The following TMEFF2 variants were observed in gnomAD, a reference collection of about 807,000 sequenced individuals.
TMEFF2 encodes the protein tomoregulin-2.
In TMEFF2, 28 loss-of-function variants were observed where a neutral mutation model predicts 53.8. That is an observed-to-expected ratio of 0.52 (90% CI 0.39 to 0.71). The LOEUF (loss-of-function observed/expected upper bound fraction) is 0.71. TMEFF2 is among the 30% of genes least tolerant of loss of function. The pLI, the probability that TMEFF2 is intolerant of heterozygous loss-of-function variation, is 0.00. For missense variants in TMEFF2, 353 were observed against 455.2 expected (o/e 0.78, Z 2.04); for synonymous variants, 162 against 166.3 (o/e 0.97, Z 0.20).
intron 4 of TMEFF2, among the ~76,000 whole-genome samples, chr2:192,133,027 G>C (rs1359761512): frequency 6.6e-6 from 1 of 152,028 alleles, no homozygotes; most frequent in African/African-American, 2.4e-5. Flanking sequence ...CTTTTCAAGG[G>C]CCTGTTGCCC....
At chr2:191,964,303 CCTT>C (rs1198436510) in intron 7 of TMEFF2, among the ~76,000 whole-genome samples, 8 of 143,716 alleles carry the variant, frequency 5.6e-5, no homozygotes, top group African/African-American at 7.8e-5. Context: ...TTCCTTCTTT[CCTT>C]CTTTCTTTCC....
intron 4 of TMEFF2, among the ~76,000 whole-genome samples, chr2:192,151,095 G>T (rs866970024): frequency 3.3e-5 from 5 of 151,800 alleles, no homozygotes; most frequent in Admixed American, 6.6e-5. Context: ...GTTTTATAAG[G>T]CAGTTTTCCT....
intron 7 of TMEFF2, among the ~76,000 whole-genome samples, chr2:191,972,980 G>A (rs1692692084): frequency 6.6e-6 from 1 of 152,144 alleles, no homozygotes; most frequent in East Asian, 1.9e-4. Flanking sequence ...GTAAGATAAT[G>A]TATGATTAAG....
intron 9 of TMEFF2, 40 bp downstream of exon 9, chr2:191,953,639 T>C (rs1042748153): frequency 1.0e-5 from 16 of 1,602,758 alleles, no homozygotes; most frequent in Non-Finnish European, 1.3e-5. Flanking sequence ...AGTAACAATA[T>C]ATCCCTTTAT....
chr2:192,100,770 T>G lies in TMEFF2; in HGVS notation c.440-42995A>C, dbSNP rs529400804. ...CAATCTTTTTAAAATTAAATACTCC[T>G]GAAATTTCCAAGCATCCAGAAAACC... On this transcript the variant is annotated intron_variant, in intron 4 of 9. Transcript: ENST00000272771. Among the ~76,000 whole-genome samples the G allele has an allele frequency of 8.3e-4, 127 of 152,322 alleles. 1 individual carries two copies. The highest frequency in any genetic ancestry group is 1.2e-3 in the Admixed American group (19 of 15,284).
chr2:192,134,123 A>G (rs1559140966), intron 4 of TMEFF2, among the ~76,000 whole-genome samples: 1 of 151,436 alleles, frequency 6.6e-6, no homozygotes, highest in East Asian at 1.9e-4. Context: ...TGCTCAACTC[A>G]CTCTCTACAT....
chr2:191,957,164 G>A (rs1048620616), intron 7 of TMEFF2, among the ~76,000 whole-genome samples: 2 of 152,140 alleles, frequency 1.3e-5, no homozygotes, highest in African/African-American at 4.8e-5. Flanking sequence ...TGTTTTCATA[G>A]ATATTTGAAA....
At chr2:192,080,811 A>G (rs1262203580) in intron 4 of TMEFF2, among the ~76,000 whole-genome samples, 1 of 152,002 alleles carries the variant, frequency 6.6e-6, no homozygotes, top group African/African-American at 2.4e-5. Context: ...CCAAATTTTC[A>G]TCTTCTGCTT....
intron 4 of TMEFF2, among the ~76,000 whole-genome samples, chr2:192,062,539 G>A (rs191682656): frequency 3.9e-5 from 6 of 152,194 alleles, no homozygotes; most frequent in African/African-American, 1.4e-4. Flanking sequence ...ACTAGCAGCA[G>A]GATTACTGAA....
intron 1 of TMEFF2, among the ~76,000 whole-genome samples, chr2:192,193,723 G>C (rs1691517545): frequency 6.7e-6 from 1 of 148,726 alleles, no homozygotes; most frequent in Admixed American, 6.7e-5. Context: ...TTGCCGCCTA[G>C]GAGAGAAGGG....
At position 192,075,332 on chromosome 2, in the gene TMEFF2, T is replaced by TATATATATATATACACAC. The variant is rs796267672; in HGVS notation, c.440-17558_440-17557insGTGTGTATATATATATAT. On this transcript the variant is annotated intron_variant, in intron 4 of 9. Transcript: ENST00000272771. ...ATATATATATATATATATATATATA[T>TATATATATATATACACAC]ACATACATACTATGTATATCCTTGC... Among the ~76,000 whole-genome samples the TATATATATATATACACAC allele has an allele frequency of 3.4e-4, 30 of 88,136 alleles. 2 individuals are homozygous for TATATATATATATACACAC. Among genetic ancestry groups the TATATATATATATACACAC allele is most frequent in the Admixed American group, 9.7e-4 (7 of 7,192 alleles). The allele number at this position is 88,136 out of a possible 152,430, so 57.8% of individuals were successfully genotyped here. A position where few individuals can be genotyped will look rare whatever the true frequency, so the allele number is the denominator to read the frequency against.
intron 2 of TMEFF2, among the ~76,000 whole-genome samples, chr2:192,187,562 C>T (rs149990276): frequency 4.8e-4 from 73 of 152,198 alleles, no homozygotes; most frequent in African/African-American, 1.6e-3. Context: ...GATGAAGGGA[C>T]GGACTCAGAT....
intron 4 of TMEFF2, among the ~76,000 whole-genome samples, chr2:192,130,401 C>T (rs1328641586): frequency 6.6e-6 from 1 of 152,218 alleles, no homozygotes; most frequent in African/African-American, 2.4e-5. Flanking sequence ...GGCCTCTGAG[C>T]CCAAGTCAAG....
intron 4 of TMEFF2, among the ~76,000 whole-genome samples, chr2:192,066,918 A>C (rs1193466079): frequency 6.6e-6 from 1 of 151,918 alleles, no homozygotes; most frequent in Non-Finnish European, 1.5e-5. Context: ...ATATTCATAT[A>C]AATGGTTTTT....
intron 8 of TMEFF2, among the ~76,000 whole-genome samples, chr2:191,955,232 C>T (rs921896248): frequency 1.3e-5 from 2 of 151,290 alleles, no homozygotes; most frequent in Non-Finnish European, 2.9e-5. Context: ...TCTATTTCAT[C>T]ATATGTCACT....
At chr2:192,159,275 G>C (rs140455986) in intron 4 of TMEFF2, among the ~76,000 whole-genome samples, 1 of 152,140 alleles carries the variant, frequency 6.6e-6, no homozygotes, top group Non-Finnish European at 1.5e-5. Context: ...AGTGTTGAGG[G>C]GGGGATCAAG....
intron 5 of TMEFF2, among the ~76,000 whole-genome samples, chr2:192,032,895 TG>T (rs749169608): frequency 3.8e-4 from 58 of 152,294 alleles, no homozygotes; most frequent in Non-Finnish European, 6.9e-4. Flanking sequence ...ATAAACCTGT[TG>T]TTTTTTTCTC....
chr2:192,096,550 ATATT>A (rs1221663418), intron 4 of TMEFF2, among the ~76,000 whole-genome samples: 2 of 152,074 alleles, frequency 1.3e-5, no homozygotes, highest in South Asian at 4.2e-4. Flanking sequence ...AATTGAGTGT[ATATT>A]TAAATTTCAG....
chr2:192,142,384 C>G (rs569706347), intron 4 of TMEFF2, among the ~76,000 whole-genome samples: 1 of 151,590 alleles, frequency 6.6e-6, no homozygotes, highest in South Asian at 2.1e-4. Context: ...TTTTCTTATT[C>G]TAAACCCATG....
Sources: gnomAD v4.1 joint callset for allele counts (sites outside exome capture counted in the v4.1 genomes callset) on GRCh38, gnomAD v4.1.1 for gene constraint, MANE v1.5 for transcripts, NCBI Gene and HGNC (gene_info 2026-07-23, HGNC 2026-07-21) for gene names.